SAMMSON: variants seen among roughly 807,000 people sequenced by gnomAD.
SAMMSON encodes the protein long intergenic non-protein coding RNA 1212.
At position 70,241,673 on chromosome 3, in the gene SAMMSON, A is replaced by G. The variant is rs539647955; in HGVS notation, n.508-7434A>G. Among the ~76,000 whole-genome samples the G allele has an allele frequency of 9.4e-4, 143 of 152,280 alleles. 2 individuals carry two copies. The highest frequency in any genetic ancestry group is 3.3e-3 in the African/African-American group (136 of 41,566). ...TGGTGGAAGCAAATACTTTAACCAA[A>G]TAGGGCCAGAGTGTTCAATCATGTC... On this transcript the variant is annotated intron_variant and non_coding_transcript_variant, in intron 4 of 9. Transcript: ENST00000642114.
At chr3:70,089,891 T>C (rs1473456954) in intron 4 of SAMMSON, among the ~76,000 whole-genome samples, 4 of 152,114 alleles carry the variant, frequency 2.6e-5, no homozygotes, top group African/African-American at 9.7e-5. Flanking sequence ...TCCCCTTTGA[T>C]GGATTAAATG....
intron 4 of SAMMSON, among the ~76,000 whole-genome samples, chr3:70,181,893 C>T (rs1240414264): frequency 6.6e-6 from 1 of 152,018 alleles, no homozygotes; most frequent in Non-Finnish European, 1.5e-5. Context: ...AAATAATTGG[C>T]GATTTAGTAT....
intron 7 of SAMMSON, among the ~76,000 whole-genome samples, chr3:70,297,002 C>T (rs1702295715): frequency 6.6e-6 from 1 of 151,968 alleles, no homozygotes; most frequent in African/African-American, 2.4e-5. Context: ...AACCGCCTCC[C>T]CCACCACACA....
intron 6 of SAMMSON, among the ~76,000 whole-genome samples, chr3:70,279,210 T>C (rs1170503868): frequency 6.6e-6 from 1 of 151,834 alleles, no homozygotes; most frequent in Non-Finnish European, 1.5e-5. Flanking sequence ...ATGCTTTGCA[T>C]GTAGTGTTTC....
At chr3:70,265,722 G>GA (rs1319979572) in intron 6 of SAMMSON, among the ~76,000 whole-genome samples, 1 of 152,152 alleles carries the variant, frequency 6.6e-6, no homozygotes, top group Non-Finnish European at 1.5e-5. Flanking sequence ...AATTTACAAA[G>GA]AAAAAAGGTT....
chr3:70,346,893 T>C (rs182588011), intron 7 of SAMMSON, among the ~76,000 whole-genome samples: 43 of 152,340 alleles, frequency 2.8e-4, no homozygotes, highest in Non-Finnish European at 4.6e-4. Context: ...GGTGTTATGC[T>C]TTAGCTTCGA....
At chr3:70,306,250 C>G (rs1702399081) in intron 7 of SAMMSON, among the ~76,000 whole-genome samples, 1 of 152,084 alleles carries the variant, frequency 6.6e-6, no homozygotes, top group East Asian at 1.9e-4. Flanking sequence ...ATTACAGGCA[C>G]TCGCCACCAC....
At chr3:70,324,227 A>AGG (rs1702561262) in intron 7 of SAMMSON, among the ~76,000 whole-genome samples, 1 of 150,668 alleles carries the variant, frequency 6.6e-6, no homozygotes, top group African/African-American at 2.4e-5. Context: ...CACACACAGA[A>AGG]AGAGAGAGAG....
At chr3:70,279,159 G>C (rs569275864) in intron 6 of SAMMSON, among the ~76,000 whole-genome samples, 1 of 150,376 alleles carries the variant, frequency 6.6e-6, no homozygotes, top group Non-Finnish European at 1.5e-5. Flanking sequence ...ACAACAATAA[G>C]TGCCATTCCA....
chr3:70,094,089 A>T (rs1333202585), intron 4 of SAMMSON, among the ~76,000 whole-genome samples: 1 of 152,168 alleles, frequency 6.6e-6, no homozygotes, highest in Non-Finnish European at 1.5e-5. Flanking sequence ...CAAATTATAT[A>T]AAATTCAGAT....
intron 4 of SAMMSON, among the ~76,000 whole-genome samples, chr3:70,123,593 C>T (rs1251989570): frequency 2.0e-5 from 3 of 152,182 alleles, no homozygotes; most frequent in African/African-American, 7.2e-5. Flanking sequence ...TTAAAGCACA[C>T]TCCCTCACTC....
At chr3:70,109,989 C>T (rs374850984) in intron 4 of SAMMSON, among the ~76,000 whole-genome samples, 1 of 152,156 alleles carries the variant, frequency 6.6e-6, no homozygotes, top group Non-Finnish European at 1.5e-5. Flanking sequence ...AAAGAGCTCA[C>T]AGTTTACAAA....
At chr3:70,247,096 C>T (rs1010178187) in intron 4 of SAMMSON, among the ~76,000 whole-genome samples, 11 of 151,808 alleles carry the variant, frequency 7.2e-5, no homozygotes, top group South Asian at 2.1e-4. Flanking sequence ...TAGTACCAAG[C>T]GCATGGTAGA....
intron 3 of SAMMSON, among the ~76,000 whole-genome samples, chr3:70,017,224 G>C (rs1252808400): frequency 1.3e-5 from 2 of 152,162 alleles, no homozygotes; most frequent in African/African-American, 2.4e-5. Flanking sequence ...CATGAGCATG[G>C]AATGTTATTC....
intron 6 of SAMMSON, among the ~76,000 whole-genome samples, chr3:70,286,545 C>A (rs1198193111): frequency 1.3e-5 from 2 of 151,738 alleles, no homozygotes; most frequent in Non-Finnish European, 1.5e-5. Flanking sequence ...GATGCGGGCT[C>A]TTTTTTGGTT....
intron 4 of SAMMSON, among the ~76,000 whole-genome samples, chr3:70,105,584 G>C (rs866598983): frequency 4.6e-5 from 7 of 152,290 alleles, no homozygotes; most frequent in Middle Eastern, 6.8e-3. Flanking sequence ...ATGTGGAAGA[G>C]AGCACAAAAC....
chr3:70,098,888 ATATC>A (rs2067332790), intron 4 of SAMMSON, among the ~76,000 whole-genome samples: 1 of 152,130 alleles, frequency 6.6e-6, no homozygotes, highest in Non-Finnish European at 1.5e-5. Flanking sequence ...ACATTTTACT[ATATC>A]TATGTGTGTC....
chr3:70,274,454 T>C (rs1178686266), intron 6 of SAMMSON, among the ~76,000 whole-genome samples: 1 of 151,610 alleles, frequency 6.6e-6, no homozygotes, highest in Non-Finnish European at 1.5e-5. Flanking sequence ...TTACAAGATA[T>C]ATTTGAAAAG....
intron 3 of SAMMSON, among the ~76,000 whole-genome samples, chr3:70,018,440 T>C (rs1054523876): frequency 1.3e-5 from 2 of 152,144 alleles, no homozygotes; most frequent in African/African-American, 4.8e-5. Context: ...CCTGTATCAT[T>C]TTTTATTGCG....
Sources: gnomAD v4.1 joint callset for allele counts (sites outside exome capture counted in the v4.1 genomes callset) on GRCh38, gnomAD v4.1.1 for gene constraint, MANE v1.5 for transcripts, NCBI Gene and HGNC (gene_info 2026-07-23, HGNC 2026-07-21) for gene names.